Variants in FMO5 observed in about 807,000 individuals in gnomAD.
The protein encoded by FMO5 is flavin-containing monooxygenase 5.
A neutral mutation model predicts 43.6 loss-of-function variants in FMO5; 51 were observed. That is an observed-to-expected ratio of 1.17 (90% CI 0.93 to 1.48). The LOEUF is 1.48. Among genes scored for constraint, FMO5 ranks in the 40% most tolerant of loss-of-function variants. The probability of loss-of-function intolerance (pLI) is 0.00; values close to 1 mark genes in which losing one functional copy is unlikely to be tolerated. For synonymous variants in FMO5, 187 were observed against 216.5 expected (o/e 0.86, Z 1.20); for missense variants, 644 against 643.0 (o/e 1.00, Z -0.02).
chr1:147,213,571 G>A (rs782050004), intron 3 of FMO5, 101 bp from the exon 4 acceptor site: 4 of 948,488 alleles, frequency 4.2e-6, no homozygotes, highest in Middle Eastern at 3.0e-4. Flanking sequence ...CACATAATAG[G>A]ACCCATGCAG....
Position 147,204,788 on chromosome 1 carries a change from G to A in FMO5, c.831-3284C>T. On this transcript the variant is annotated intron_variant, in intron 6 of 8. Coordinates refer to ENST00000254090, the MANE Select transcript of FMO5 (RefSeq NM_001461.4). Reference sequence around the variant, plus strand: ...ATAACCATTTTTTTCATTCCATTTCGTCCATATGCTGTACGAGTGGTTTGG... The same window carrying A: ...ATAACCATTTTTTTCATTCCATTTCATCCATATGCTGTACGAGTGGTTTGG... The A allele has an allele frequency of 8.2e-6, 13 of 1,586,146 alleles. No individual in the cohort carries two copies. In the Admixed American group the frequency reaches 8.3e-5, roughly 10 times the overall value.
At chr1:147,218,719 G>A (rs1009517775) in intron 2 of FMO5, among the ~76,000 whole-genome samples, 14 of 152,148 alleles carry the variant, frequency 9.2e-5, no homozygotes, top group African/African-American at 2.9e-4. Flanking sequence ...ATCCAGTGTT[G>A]TCCTTATTTA....
intron 6 of FMO5, chr1:147,203,932 AG>A (rs1488680231): frequency 6.9e-7 from 1 of 1,443,792 alleles, no homozygotes; most frequent in African/African-American, 1.4e-5. Flanking sequence ...GTGTCAATCT[AG>A]GAAGAGCTGT....
chr1:147,215,981 C>A, intron 2 of FMO5, 39 bp from the exon 3 acceptor site: 1 of 1,479,692 alleles, frequency 6.8e-7, no homozygotes, highest in Non-Finnish European at 9.2e-7. Flanking sequence ...ACTTGAGGAT[C>A]ATCTTCATGT....
At chr1:147,223,833 G>T in intron 2 of FMO5, 1 of 297,308 alleles carries the variant, frequency 3.4e-6, no homozygotes, top group South Asian at 3.0e-5. Context: ...AACAGCTACT[G>T]ACTGCTTACG....
At position 147,214,583 on chromosome 1, in the gene FMO5, T is replaced by C. The variant is rs1234367050; in HGVS notation, c.325-1113A>G. Among the ~76,000 whole-genome samples the C allele has an allele frequency of 3.3e-5, 5 of 152,124 alleles. No homozygotes were observed. The East Asian group carries it at 9.6e-4, about 29-fold the overall frequency. The stretch of plus-strand genomic sequence containing the variant: ...TGCCTCTGCCGAGATCACCCTTTTA[T>C]TCCTTATTTGGTAGACTCCTACTCA... On this transcript the variant is annotated intron_variant, in intron 3 of 8. Coordinates refer to ENST00000254090, the MANE Select transcript of FMO5 (RefSeq NM_001461.4).
intron 7 of FMO5, among the ~76,000 whole-genome samples, chr1:147,197,767 T>A (rs782167905): frequency 6.6e-6 from 1 of 152,146 alleles, no homozygotes; most frequent in Non-Finnish European, 1.5e-5. Flanking sequence ...TATAGCAGCA[T>A]GAGAATGGGC....
At chr1:147,225,223 T>C in intron 1 of FMO5, 64 bp downstream of exon 1, 3 of 1,406,030 alleles carry the variant, frequency 2.1e-6, no homozygotes, top group Admixed American at 2.8e-5. Flanking sequence ...TCTGCTGGCA[T>C]GGGGGAGCCC....
chr1:147,185,433 G>C (rs2101666486), downstream of FMO5, among the ~76,000 whole-genome samples: 4 of 152,212 alleles, frequency 2.6e-5, no homozygotes, highest in Admixed American at 2.6e-4. Flanking sequence ...TTTAATAGAT[G>C]ATAAATCTCC....
At position 147,215,951 on chromosome 1, in the gene FMO5, A is replaced by C. The variant is rs369091731; in HGVS notation, c.136-9T>G. On this transcript the variant is annotated splice_polypyrimidine_tract_variant and intron_variant, in intron 2 of 8. Coordinates refer to ENST00000254090, the MANE Select transcript of FMO5 (RefSeq NM_001461.4). The stretch of plus-strand genomic sequence containing the variant: ...CCTTCTTCAGGATTTTCCTGCAATA[A>C]ATAGAAAGTATTCATAGCAACTTGA... The C allele has an allele frequency of 1.1e-5, 18 of 1,593,692 alleles. No individual in the cohort carries two copies. Among genetic ancestry groups the C allele is most frequent in the Admixed American group, 1.0e-4 (6 of 57,584 alleles).
At position 147,186,409 on chromosome 1, in the gene FMO5, T is replaced by C; in HGVS notation, c.*491A>G. On this transcript the variant is annotated 3_prime_UTR_variant, in exon 9 of 9. Transcript: ENST00000254090. ...GTCTTATCTTAGATACATACAACTA[T>C]TGTAGGAACATTATTTCTCTTATCT... 2 of 906,256 alleles carry C rather than the reference T, an allele frequency of 2.2e-6. No individual in the cohort carries two copies. The highest frequency in any genetic ancestry group is 1.0e-4 in the South Asian group (2 of 19,602). The allele number at this position is 906,256 out of a possible 1,614,324, so 56.1% of individuals were successfully genotyped here. A position where few individuals can be genotyped will look rare whatever the true frequency, so the allele number is the denominator to read the frequency against.
chr1:147,220,460 T>C (rs1170832120), intron 2 of FMO5, among the ~76,000 whole-genome samples: 2 of 152,120 alleles, frequency 1.3e-5, no homozygotes, highest in African/African-American at 4.8e-5. Context: ...CTAAAGTTCA[T>C]ATGGAAAGAC....
At chr1:147,223,558 A>G (rs952501630) in intron 2 of FMO5, 2 of 153,838 alleles carry the variant, frequency 1.3e-5, no homozygotes, top group African/African-American at 4.8e-5. Flanking sequence ...CAAGATGCCA[A>G]TAGGAAAGAA....
At chr1:147,192,890 G>A (rs1373673830) in intron 7 of FMO5, among the ~76,000 whole-genome samples, 1 of 152,154 alleles carries the variant, frequency 6.6e-6, no homozygotes, top group Non-Finnish European at 1.5e-5. Context: ...TAAGCTTTTT[G>A]ATGAGCTGCT....
chr1:147,193,117 C>T (rs1191303311), intron 7 of FMO5, among the ~76,000 whole-genome samples: 7 of 152,202 alleles, frequency 4.6e-5, no homozygotes, highest in South Asian at 2.1e-4. Context: ...TGGTAGAATT[C>T]GGCTGTGAAT....
At chr1:147,210,234 T>C (rs1426903580) in intron 5 of FMO5, 2 of 152,218 alleles carry the variant, frequency 1.3e-5, no homozygotes, top group Admixed American at 6.5e-5. Context: ...AAATGTTTGA[T>C]TGATTATTTA....
chr1:147,192,003 T>C (rs1656944277), intron 7 of FMO5, among the ~76,000 whole-genome samples: 1 of 152,138 alleles, frequency 6.6e-6, no homozygotes, highest in Admixed American at 6.5e-5. Flanking sequence ...GGCTCTTTTT[T>C]GGTTCCATAT....
intron 7 of FMO5, among the ~76,000 whole-genome samples, chr1:147,198,478 C>T (rs1435000465): frequency 6.6e-6 from 1 of 152,090 alleles, no homozygotes; most frequent in African/African-American, 2.4e-5. Context: ...TACAAGGGTA[C>T]CTGCTGTGTT....
intron 5 of FMO5, chr1:147,211,635 T>C (rs1376957664): frequency 2.6e-5 from 4 of 152,186 alleles, no homozygotes; most frequent in East Asian, 3.9e-4. Context: ...CTATTGCCAA[T>C]AGAGTTTGAT....
Sources: allele counts gnomAD v4.1 joint callset (sites outside exome capture counted in the v4.1 genomes callset), GRCh38; gene constraint gnomAD v4.1.1; transcripts MANE v1.5; gene names NCBI Gene and HGNC (gene_info 2026-07-23, HGNC 2026-07-21).